LRIF1: variants seen among roughly 807,000 people sequenced by gnomAD.
The protein encoded by LRIF1 is ligand-dependent nuclear receptor-interacting factor 1.
A neutral mutation model predicts 52.7 loss-of-function variants in LRIF1; 32 were observed. That is an observed-to-expected ratio of 0.61 (90% CI 0.46 to 0.82). LRIF1 has a LOEUF of 0.82. Among genes scored for constraint, LRIF1 ranks in the 40% least tolerant of loss-of-function variants. LRIF1 has a pLI of 0.00. For synonymous variants in LRIF1, 323 were observed against 317.4 expected, an observed-to-expected ratio of 1.02 and a Z score of -0.19; for missense variants, 887 against 892.0, an observed-to-expected ratio of 0.99 and a Z score of 0.07.
rs1219446932 is a variant in LRIF1 at position 110,948,257 on chromosome 1, G to A, written c.2012C>T (p.Pro671Leu). ...GTTATGTTGTGACACATCTGAAGTT[G>A]GTAAAATACTGCTTAGGAGTTGGGA... ...TGSQLLSSIL[P>L]TSDVSQHNIL... is the part of the protein sequence containing the mutation. Residue 671 changes from proline to leucine, a missense_variant, in exon 4 of 4, where the codon CCA (proline) becomes CTA (leucine). Coordinates refer to ENST00000369763, the MANE Select transcript of LRIF1 (RefSeq NM_018372.4). 2 of 1,613,860 alleles carry A rather than the reference G, an allele frequency of 1.2e-6. No individual in the cohort carries two copies. Among genetic ancestry groups the A allele is most frequent in the African/African-American group, 1.3e-5 (1 of 74,874 alleles).
chr1:110,960,897 T>C (rs927749660), intron 1 of LRIF1, among the ~76,000 whole-genome samples: 1 of 152,182 alleles, frequency 6.6e-6, no homozygotes, highest in Non-Finnish European at 1.5e-5. Context: ...GCCAACGTTA[T>C]CTAAAATGTA....
the LRIF1 span, among the ~76,000 whole-genome samples, chr1:110,877,775 G>T: frequency 6.6e-6 from 1 of 152,174 alleles, no homozygotes; most frequent in South Asian, 2.1e-4. Context: ...GAGATGAATG[G>T]ACACGAATAC....
the LRIF1 span, among the ~76,000 whole-genome samples, chr1:110,932,334 T>A: frequency 1.3e-5 from 2 of 152,182 alleles, no homozygotes; most frequent in South Asian, 4.1e-4. Flanking sequence ...ACTGTTCCAT[T>A]GGTCTATATA....
At chr1:110,950,824 T>TACC (rs901957960) in intron 2 of LRIF1, among the ~76,000 whole-genome samples, 8 of 151,850 alleles carry the variant, frequency 5.3e-5, no homozygotes, top group East Asian at 1.9e-4. Context: ...TTCCATGGTA[T>TACC]ACCACCACCA....
intron 1 of LRIF1, among the ~76,000 whole-genome samples, chr1:110,959,548 G>A (rs899642343): frequency 3.3e-5 from 5 of 151,498 alleles, no homozygotes; most frequent in East Asian, 1.9e-4. Context: ...TCAAGAGATC[G>A]AGACCATCCT....
chr1:110,962,061 TACACACACACACACACAC>T (rs59351644), intron 1 of LRIF1, among the ~76,000 whole-genome samples: 3 of 143,788 alleles, frequency 2.1e-5, no homozygotes, highest in Non-Finnish European at 4.6e-5. Context: ...GAGTTAAGGG[TACACACACACACACACAC>T]ACACACACAC....
At chr1:110,879,558 A>G in the LRIF1 span, among the ~76,000 whole-genome samples, 1 of 151,968 alleles carries the variant, frequency 6.6e-6, no homozygotes, top group Admixed American at 6.6e-5. Context: ...TTTTTCTCTT[A>G]CACTGTTTTT....
rs760788005 is a variant in LRIF1 at position 110,947,995 on chromosome 1, A to C, written c.2274T>G (p.Ala758=). 3 of 1,593,144 alleles carry C rather than the reference A, an allele frequency of 1.9e-6. No homozygotes were observed. Among genetic ancestry groups the C allele is most frequent in the Non-Finnish European group, 2.6e-6 (3 of 1,171,932 alleles). ...LKQVLREKEA[A]LEEMRKKMHQ... is the part of the protein sequence containing the mutation. ...GCATCTTCTTACGCATTTCTTCAAG[A>C]GCTGCTTCTTTCTCTCTCAGCACCT... The change falls in exon 4 of 4, where the codon GCT becomes GCG. Residue 758 remains alanine (A), a synonymous_variant. Transcript: ENST00000369763.
At chr1:110,914,269 A>G in the LRIF1 span, among the ~76,000 whole-genome samples, 1 of 152,116 alleles carries the variant, frequency 6.6e-6, no homozygotes, top group Non-Finnish European at 1.5e-5. Context: ...CAATTTACCC[A>G]TGTAACAAAC....
the LRIF1 span, among the ~76,000 whole-genome samples, chr1:110,880,612 A>G: frequency 2.0e-5 from 3 of 152,082 alleles, no homozygotes; most frequent in Non-Finnish European, 4.4e-5. Flanking sequence ...TTATTTTCCT[A>G]TGTCCAAAAC....
the LRIF1 span, among the ~76,000 whole-genome samples, chr1:110,888,891 A>C: frequency 2.0e-5 from 3 of 152,206 alleles, no homozygotes; most frequent in African/African-American, 7.2e-5. Context: ...AGGGGACTAC[A>C]TTCATTTGAA....
the LRIF1 span, among the ~76,000 whole-genome samples, chr1:110,920,066 A>G: frequency 0.066 from 10,106 of 152,218 alleles, 1,117 homozygotes; most frequent in African/African-American, 0.23. Flanking sequence ...GGAGGATGTG[A>G]AACAACCAGA....
At chr1:110,881,518 G>T in the LRIF1 span, among the ~76,000 whole-genome samples, 1 of 151,938 alleles carries the variant, frequency 6.6e-6, no homozygotes, top group African/African-American at 2.4e-5. Flanking sequence ...TGGACATTTG[G>T]GTTGCTTCCA....
At chr1:110,955,805 T>C (rs1042727927) in intron 1 of LRIF1, among the ~76,000 whole-genome samples, 3 of 152,172 alleles carry the variant, frequency 2.0e-5, no homozygotes, top group Non-Finnish European at 4.4e-5. Flanking sequence ...TTTTTCTTTG[T>C]TTAAGGTTAG....
the LRIF1 span, among the ~76,000 whole-genome samples, chr1:110,905,832 A>C: frequency 6.6e-6 from 1 of 152,234 alleles, no homozygotes; most frequent in African/African-American, 2.4e-5. Context: ...AATAACTTTT[A>C]AGACATAGAC....
chr1:110,916,945 G>C, the LRIF1 span, among the ~76,000 whole-genome samples: 1 of 152,130 alleles, frequency 6.6e-6, no homozygotes, highest in Non-Finnish European at 1.5e-5. Flanking sequence ...TCCTGCTTAG[G>C]GTGTGCCACA....
At position 110,963,794 on chromosome 1, in the gene LRIF1, C is replaced by T; in HGVS notation, c.-106G>A. The T allele has an allele frequency of 1.1e-6, 1 of 871,860 alleles. No individual in the cohort carries two copies. The highest frequency in any genetic ancestry group is 1.8e-6 in the Non-Finnish European group (1 of 548,152). 54.0% of individuals were successfully genotyped at this position (871,860 alleles called of 1,614,324 possible). ...GCGAGGGAATGTTGGGCTGGAGTTG[C>T]CCACAGCAACTGTGAGGGGTTCGAC... On this transcript the variant is annotated 5_prime_UTR_variant, in exon 1 of 4. Transcript: ENST00000369763.
rs768973906 is a variant in LRIF1 at position 110,949,855 on chromosome 1, T to G, written c.1865A>C (p.Lys622Thr). The G allele has an allele frequency of 2.5e-6, 4 of 1,612,896 alleles. No homozygotes were observed. In the South Asian group the frequency reaches 4.4e-5, roughly 18 times the overall value. Residue 622 changes from lysine to threonine, a missense_variant, in exon 3 of 4, where the codon AAA (lysine) becomes ACA (threonine). Transcript: ENST00000369763. ...ACATTAAAATGTATTACCTACCTGT[T>G]TTCTCTCTCCTTCCTTCACCATAAA... ...TEFMVKEGER[K>T]QQNFDKKRKA...
the LRIF1 span, among the ~76,000 whole-genome samples, chr1:110,919,456 G>C: frequency 4.1e-5 from 6 of 146,778 alleles, no homozygotes; most frequent in African/African-American, 1.5e-4. Context: ...GGACTCTCTT[G>C]CTCCTCAAGC....
Sources: allele counts gnomAD v4.1 joint callset (sites outside exome capture counted in the v4.1 genomes callset), GRCh38; gene constraint gnomAD v4.1.1; transcripts MANE v1.5; gene names NCBI Gene and HGNC (gene_info 2026-07-23, HGNC 2026-07-21).